Variants in KCNH7 observed in about 807,000 individuals in gnomAD.
KCNH7 encodes the protein voltage-gated inwardly rectifying potassium channel KCNH7.
A neutral mutation model predicts 120.8 loss-of-function variants in KCNH7; 49 were observed. That is an observed-to-expected ratio of 0.41 (90% CI 0.32 to 0.51). The LOEUF (loss-of-function observed/expected upper bound fraction) is 0.51. Among genes scored for constraint, KCNH7 ranks in the 20% least tolerant of loss-of-function variants. The probability of loss-of-function intolerance (pLI) is 0.38; values close to 1 mark genes in which losing one functional copy is unlikely to be tolerated. For missense variants in KCNH7, 1,097 were observed against 1,446.6 expected (o/e 0.76, Z 3.92); for synonymous variants, 547 against 516.1 (o/e 1.06, Z -0.81).
At chr2:162,679,328 C>T (rs1038272696) in intron 2 of KCNH7, among the ~76,000 whole-genome samples, 8 of 151,566 alleles carry the variant, frequency 5.3e-5, no homozygotes, top group Admixed American at 3.3e-4. Context: ...TTTTCAGGTT[C>T]GCATGAGTAG....
At chr2:162,449,729 A>G (rs560071591) in intron 6 of KCNH7, among the ~76,000 whole-genome samples, 1 of 152,196 alleles carries the variant, frequency 6.6e-6, no homozygotes, top group South Asian at 2.1e-4. Context: ...CAGAACCTCC[A>G]GAAGGAAACA....
intron 2 of KCNH7, among the ~76,000 whole-genome samples, chr2:162,709,120 C>T (rs775177382): frequency 3.2e-4 from 49 of 152,168 alleles, no homozygotes; most frequent in Non-Finnish European, 6.8e-4. Flanking sequence ...TTAATTTTAT[C>T]ATCTGCAAAA....
chr2:162,670,436 C>A (rs1574246085), intron 2 of KCNH7, among the ~76,000 whole-genome samples: 2 of 133,596 alleles, frequency 1.5e-5, no homozygotes, highest in African/African-American at 2.9e-5. Context: ...TCATACCACT[C>A]CACTCCAGCC....
intron 6 of KCNH7, among the ~76,000 whole-genome samples, chr2:162,494,588 G>A (rs1290064353): frequency 6.6e-6 from 1 of 151,958 alleles, no homozygotes; most frequent in Admixed American, 6.6e-5. Flanking sequence ...TCATAATAAA[G>A]GTTATTATGT....
chr2:162,759,173 G>T (rs1464720753), intron 2 of KCNH7, among the ~76,000 whole-genome samples: 1 of 151,700 alleles, frequency 6.6e-6, no homozygotes, highest in African/African-American at 2.4e-5. Flanking sequence ...ATATTTAACT[G>T]TACTCTACGT....
intron 2 of KCNH7, among the ~76,000 whole-genome samples, chr2:162,827,558 T>C (rs1685332270): frequency 6.6e-6 from 1 of 152,278 alleles, no homozygotes; most frequent in Non-Finnish European, 1.5e-5. Flanking sequence ...TAAAGTTCTG[T>C]TAAAAATGCA....
intron 2 of KCNH7, among the ~76,000 whole-genome samples, chr2:162,814,248 C>T (rs1684836759): frequency 6.6e-6 from 1 of 152,142 alleles, no homozygotes; most frequent in African/African-American, 2.4e-5. Flanking sequence ...GGCCAGAATC[C>T]ATTGGCACAC....
chr2:162,725,302 A>AT (rs904646514), intron 2 of KCNH7, among the ~76,000 whole-genome samples: 1 of 151,310 alleles, frequency 6.6e-6, no homozygotes, highest in Admixed American at 6.6e-5. Flanking sequence ...GTCTTCCTTA[A>AT]TTTTTTTTTG....
At chr2:162,780,948 A>G (rs957478900) in intron 2 of KCNH7, among the ~76,000 whole-genome samples, 2 of 152,154 alleles carry the variant, frequency 1.3e-5, no homozygotes, top group African/African-American at 4.8e-5. Flanking sequence ...TCATTGTTTA[A>G]TTTAAGAGAT....
intron 9 of KCNH7, among the ~76,000 whole-genome samples, chr2:162,405,457 GA>G (rs1461948857): frequency 2.0e-5 from 3 of 151,908 alleles, no homozygotes; most frequent in African/African-American, 4.8e-5. Context: ...GAGCAAAAAT[GA>G]AAGTAGTATT....
chr2:162,823,909 T>TTTTTTTTTTAGAC (rs1323149636), intron 2 of KCNH7, among the ~76,000 whole-genome samples: 1 of 152,158 alleles, frequency 6.6e-6, no homozygotes, highest in South Asian at 2.1e-4. Context: ...ATTTTTTAAT[T>TTTTTTTTTTAGAC]GCCATATAAG....
At chr2:162,738,831 G>T (rs1272914863) in intron 2 of KCNH7, among the ~76,000 whole-genome samples, 1 of 152,114 alleles carries the variant, frequency 6.6e-6, no homozygotes, top group Non-Finnish European at 1.5e-5. Flanking sequence ...TTGAGAGCTC[G>T]ACAATAAAGT....
chr2:162,817,666 T>C (rs971727628), intron 2 of KCNH7, among the ~76,000 whole-genome samples: 2 of 152,190 alleles, frequency 1.3e-5, no homozygotes, highest in Admixed American at 1.3e-4. Context: ...TATGTCATTT[T>C]TTAATCTCAC....
At chr2:162,775,728 T>C (rs775680861) in intron 2 of KCNH7, among the ~76,000 whole-genome samples, 2 of 152,188 alleles carry the variant, frequency 1.3e-5, no homozygotes, top group African/African-American at 2.4e-5. Context: ...TACAATTTCA[T>C]TTTCTTGTTT....
At chr2:162,576,774 G>A (rs190787612) in intron 2 of KCNH7, among the ~76,000 whole-genome samples, 51 of 152,038 alleles carry the variant, frequency 3.4e-4, no homozygotes, top group African/African-American at 1.1e-3. Flanking sequence ...AAAGAAGTGA[G>A]GAGAAGAGAG....
intron 2 of KCNH7, among the ~76,000 whole-genome samples, chr2:162,622,266 A>G (rs1175078333): frequency 6.6e-6 from 1 of 152,224 alleles, no homozygotes; most frequent in Non-Finnish European, 1.5e-5. Flanking sequence ...AAACTGGGTC[A>G]GTACCATCCC....
At chr2:162,430,238 T>C (rs1558940702) in intron 8 of KCNH7, among the ~76,000 whole-genome samples, 2 of 152,036 alleles carry the variant, frequency 1.3e-5, no homozygotes. Flanking sequence ...TGGTTAAAAT[T>C]TGAAAATCTC....
Position 162,576,811 on chromosome 2 carries a change from T to G in KCNH7, c.308-39731A>C, listed in dbSNP as rs758378051. ...TGACAGAAAGAAAGGAAAGGTAAGT[T>G]TTTAATTAGATCTGGTAGAACTATG... On this transcript the variant is annotated intron_variant, in intron 2 of 15. Transcript: ENST00000332142. Among the ~76,000 whole-genome samples the G allele has an allele frequency of 1.1e-3, 171 of 152,110 alleles. 1 individual carries two copies. Among genetic ancestry groups the G allele is most frequent in the Middle Eastern group, 0.01 (3 of 294 alleles).
chr2:162,617,289 C>T (rs189203512), intron 2 of KCNH7, among the ~76,000 whole-genome samples: 146 of 152,092 alleles, frequency 9.6e-4, no homozygotes, highest in African/African-American at 3.3e-3. Flanking sequence ...ACCATCCTGA[C>T]TAACACGATG....
Sources: gnomAD v4.1 joint callset for allele counts (sites outside exome capture counted in the v4.1 genomes callset) on GRCh38, gnomAD v4.1.1 for gene constraint, MANE v1.5 for transcripts, NCBI Gene and HGNC (gene_info 2026-07-23, HGNC 2026-07-21) for gene names.